Variants in ADAMTS18 observed in about 807,000 individuals in gnomAD.
The protein encoded by ADAMTS18 is A disintegrin and metalloproteinase with thrombospondin motifs 18.
Under a neutral mutation model 165.9 loss-of-function variants are expected in ADAMTS18, and 157 were observed. The ratio of observed to expected loss-of-function variants is 0.95; its 90% CI spans 0.83 to 1.08. The LOEUF is 1.08. Among genes scored for constraint, ADAMTS18 ranks in the 50% least tolerant of loss-of-function variants. The probability of loss-of-function intolerance (pLI) is 0.00; values close to 1 mark genes in which losing one functional copy is unlikely to be tolerated. For missense variants in ADAMTS18, 2,040 were observed against 1,534.0 expected (o/e 1.33, Z -5.51); for synonymous variants, 782 against 578.2 (o/e 1.35, Z -5.06).
chr16:77,337,238 T>G (rs1046809770), intron 11 of ADAMTS18, among the ~76,000 whole-genome samples: 1 of 152,194 alleles, frequency 6.6e-6, no homozygotes, highest in African/African-American at 2.4e-5. Flanking sequence ...TTGCCTACCA[T>G]AAGCATGCAT....
chr16:77,390,863 A>G (rs1285007074), intron 3 of ADAMTS18, among the ~76,000 whole-genome samples: 1 of 152,212 alleles, frequency 6.6e-6, no homozygotes, highest in Admixed American at 6.5e-5. Context: ...TGCCTCAGTT[A>G]TACTAGGCAT....
Position 77,353,803 on chromosome 16 carries a change from T to C in ADAMTS18, c.1544A>G (p.Tyr515Cys), listed in dbSNP as rs1227412077. 1 of 1,614,080 alleles carries C rather than the reference T, an allele frequency of 6.2e-7. No individual in the cohort carries two copies. Among genetic ancestry groups the C allele is most frequent in the Non-Finnish European group, 8.5e-7 (1 of 1,180,034 alleles). Residue 515 changes from tyrosine to cysteine, a missense_variant, in exon 10 of 23, where the codon TAT becomes TGT. Coordinates refer to ENST00000282849, the MANE Select transcript of ADAMTS18 (RefSeq NM_199355.4). The stretch of plus-strand genomic sequence containing the variant: ...CCATTTACACTGTGTGTCAGCATCA[T>C]AAATCTGTCCTGGTAGTTTGTCCGG... The part of the protein sequence containing the change: ...KYPDKLPGQI[Y>C]DADTQCKWQF...
chr16:77,325,748 TG>T, intron 13 of ADAMTS18, 117 bp downstream of exon 13: 1 of 1,048,086 alleles, frequency 9.5e-7, no homozygotes, highest in Non-Finnish European at 1.4e-6. Context: ...AGGATGGGTC[TG>T]GGGAGTGAAA....
chr16:77,394,010 A>T lies in ADAMTS18; in HGVS notation c.496-26287T>A, dbSNP rs56019639. ...CTAATTGGATTACTGCTGCTGAGAT[A>T]TTTGATTCAAGTTAACAGGGCATTA... is the stretch of plus-strand genomic sequence containing the variant. On this transcript the variant is annotated intron_variant, in intron 3 of 22. Coordinates refer to ENST00000282849, the MANE Select transcript of ADAMTS18 (RefSeq NM_199355.4). 4.7e-3 allele frequency among the ~76,000 whole-genome samples: 710 copies of T among 152,300 alleles called. 6 individuals carry two copies. Among genetic ancestry groups the T allele is most frequent in the Non-Finnish European group, 7.6e-3 (519 of 68,022 alleles).
chr16:77,341,574 T>A, intron 11 of ADAMTS18, 130 bp downstream of exon 11: 2 of 766,720 alleles, frequency 2.6e-6, no homozygotes, highest in South Asian at 3.0e-5. Flanking sequence ...CTATATAATG[T>A]TGTTAATATG....
At chr16:77,329,231 G>A (rs2056147680) in intron 12 of ADAMTS18, among the ~76,000 whole-genome samples, 1 of 152,020 alleles carries the variant, frequency 6.6e-6, no homozygotes, top group East Asian at 1.9e-4. Context: ...TCAGCCTCCT[G>A]AGTAGTTAGG....
intron 3 of ADAMTS18, among the ~76,000 whole-genome samples, chr16:77,403,890 T>C (rs992717187): frequency 6.6e-6 from 1 of 152,058 alleles, no homozygotes; most frequent in African/African-American, 2.4e-5. Context: ...CTTGAGTGAA[T>C]CTAGTTGGAG....
intron 3 of ADAMTS18, among the ~76,000 whole-genome samples, chr16:77,387,438 A>T (rs1567532843): frequency 6.6e-6 from 1 of 152,352 alleles, no homozygotes; most frequent in East Asian, 1.9e-4. Context: ...CAATAAAAGC[A>T]GATAACCAGC....
Position 77,359,549 on chromosome 16 carries a change from GAAAAAAAA to G in ADAMTS18, c.1217-134_1217-127del, listed in dbSNP as rs3067843. On this transcript the variant is annotated intron_variant, in intron 7 of 22. Coordinates refer to ENST00000282849, the MANE Select transcript of ADAMTS18 (RefSeq NM_199355.4). The stretch of plus-strand genomic sequence containing the variant: ...TAGATCAATGCATTCAGTGTTTTTG[GAAAAAAAA>G]AAAAAAAAAGATCTATAGTTCTTTG... 248 of 302,280 alleles carry G rather than the reference GAAAAAAAA, an allele frequency of 8.2e-4. 1 individual carries two copies. The highest frequency in any genetic ancestry group is 7.9e-3 in the East Asian group (232 of 29,396). 18.7% of individuals were successfully genotyped at this position (302,280 alleles called of 1,614,324 possible). A position where few individuals can be genotyped will look rare whatever the true frequency, so the allele number is the denominator to read the frequency against.
intron 3 of ADAMTS18, among the ~76,000 whole-genome samples, chr16:77,396,219 T>C (rs1215316415): frequency 6.6e-6 from 1 of 152,224 alleles, no homozygotes; most frequent in Non-Finnish European, 1.5e-5. Flanking sequence ...TTTTAATCTC[T>C]AGACATTCCA....
At chr16:77,297,471 G>A in intron 17 of ADAMTS18, 56 bp from the exon 18 acceptor site, 1 of 1,546,822 alleles carries the variant, frequency 6.5e-7, no homozygotes, top group Non-Finnish European at 8.9e-7. Flanking sequence ...TTTCAATTTG[G>A]TTCTAAGTTT....
chr16:77,434,543 G>A (rs1038884826), intron 1 of ADAMTS18, 38 bp from the exon 2 acceptor site: 19 of 1,534,996 alleles, frequency 1.2e-5, no homozygotes, highest in Middle Eastern at 1.7e-4. Context: ...TGAGGGGCGC[G>A]GCGGGGCTGG....
chr16:77,324,283 A>G (rs1309798140), intron 13 of ADAMTS18, among the ~76,000 whole-genome samples: 1 of 152,206 alleles, frequency 6.6e-6, no homozygotes, highest in African/African-American at 2.4e-5. Context: ...CTGGAATAGG[A>G]AGCAACTGCA....
At chr16:77,428,632 T>C (rs1419304576) in intron 3 of ADAMTS18, among the ~76,000 whole-genome samples, 1 of 152,198 alleles carries the variant, frequency 6.6e-6, no homozygotes, top group Admixed American at 6.5e-5. Flanking sequence ...TCATTAAAGC[T>C]GAACATATAC....
At chr16:77,329,104 CT>C (rs368507724) in intron 12 of ADAMTS18, among the ~76,000 whole-genome samples, 425 of 144,984 alleles carry the variant, frequency 2.9e-3, no homozygotes, top group Admixed American at 3.2e-3. Context: ...GAGATTCTCT[CT>C]TTTTTTTTTT....
chr16:77,393,678 C>T (rs2057220068), intron 3 of ADAMTS18, among the ~76,000 whole-genome samples: 1 of 152,180 alleles, frequency 6.6e-6, no homozygotes, highest in Non-Finnish European at 1.5e-5. Context: ...CTGGACCATG[C>T]TAGCATCCTG....
chr16:77,338,330 G>C (rs2056343382), intron 11 of ADAMTS18, among the ~76,000 whole-genome samples: 1 of 152,040 alleles, frequency 6.6e-6, no homozygotes, highest in African/African-American at 2.4e-5. Flanking sequence ...CCACCTCCCG[G>C]ATTTAAGTAA....
rs189853005 is a variant in ADAMTS18, at chr16:77,376,097, T to A, written c.496-8374A>T. ...TTTGTATTTTTAGTAAAGACGGGGT[T>A]TCTCCATGTTGATCCGGCTGGTCTT... On this transcript the variant is annotated intron_variant, in intron 3 of 22. Transcript: ENST00000282849. 5.9e-5 allele frequency among the ~76,000 whole-genome samples: 9 copies of A among 151,950 alleles called. No homozygotes were observed. In the East Asian group the frequency reaches 1.8e-3, roughly 30 times the overall value.
At chr16:77,339,664 A>C (rs1385155020) in intron 11 of ADAMTS18, among the ~76,000 whole-genome samples, 1 of 151,826 alleles carries the variant, frequency 6.6e-6, no homozygotes, top group Non-Finnish European at 1.5e-5. Flanking sequence ...CAAAAGTAAA[A>C]AGGACTTGAG....
Sources: gnomAD v4.1 joint callset for allele counts (sites outside exome capture counted in the v4.1 genomes callset) on GRCh38, gnomAD v4.1.1 for gene constraint, MANE v1.5 for transcripts, NCBI Gene and HGNC (gene_info 2026-07-23, HGNC 2026-07-21) for gene names.